MAGI2: variants seen among roughly 807,000 people sequenced by gnomAD.
The protein encoded by MAGI2 is membrane associated guanylate kinase, WW and PDZ domain containing 2, also known as membrane-associated guanylate kinase, WW and PDZ domain-containing protein 2.
Under a neutral mutation model 133.3 loss-of-function variants are expected in MAGI2, and 35 were observed. That is an observed-to-expected ratio of 0.26 (90% CI 0.20 to 0.35). MAGI2 has a LOEUF of 0.35. Among genes scored for constraint, MAGI2 ranks in the 10% least tolerant of loss-of-function variants. The pLI is 1.00. For synonymous variants in MAGI2, 729 were observed against 710.6 expected, an observed-to-expected ratio of 1.03 and a Z score of -0.41; for missense variants, 1,636 against 1,863.4, an observed-to-expected ratio of 0.88 and a Z score of 2.25.
intron 4 of MAGI2, among the ~76,000 whole-genome samples, chr7:78,512,444 C>T (rs1232399790): frequency 1.3e-5 from 2 of 152,162 alleles, no homozygotes; most frequent in African/African-American, 2.4e-5. Flanking sequence ...CTTGCTCCAT[C>T]GCCCAGGCTG....
intron 3 of MAGI2, among the ~76,000 whole-genome samples, chr7:78,561,529 G>T (rs1800401039): frequency 6.6e-6 from 1 of 152,164 alleles, no homozygotes; most frequent in South Asian, 2.1e-4. Flanking sequence ...AGTAATTGTG[G>T]TTTTTGCAAT....
intron 10 of MAGI2, among the ~76,000 whole-genome samples, chr7:78,243,247 ACACACACACACACACACACACACTCTCT>A (rs1458638070): frequency 1.4e-3 from 57 of 39,912 alleles, no homozygotes; most frequent in Non-Finnish European, 2.7e-3. Flanking sequence ...ACACACACAC[ACACACACACACACACACACACACTCTCT>A]CTCTCTCTCT....
chr7:79,256,921 G>T (rs1398938054), intron 1 of MAGI2, among the ~76,000 whole-genome samples: 1 of 151,968 alleles, frequency 6.6e-6, no homozygotes, highest in East Asian at 1.9e-4. Flanking sequence ...CAACAATATT[G>T]GTCCAAGGAT....
intron 9 of MAGI2, among the ~76,000 whole-genome samples, chr7:78,319,822 A>G (rs1787813535): frequency 6.6e-6 from 1 of 152,176 alleles, no homozygotes; most frequent in Non-Finnish European, 1.5e-5. Flanking sequence ...CCCTTCAAAA[A>G]TATCAGTGAA....
chr7:78,865,093 A>T (rs1220493962), intron 2 of MAGI2, among the ~76,000 whole-genome samples: 1 of 152,200 alleles, frequency 6.6e-6, no homozygotes, highest in Non-Finnish European at 1.5e-5. Flanking sequence ...CTGCTTCCGT[A>T]TAAATCTAGA....
chr7:78,267,709 T>C (rs1210900412), intron 9 of MAGI2, among the ~76,000 whole-genome samples: 1 of 152,140 alleles, frequency 6.6e-6, no homozygotes, highest in Non-Finnish European at 1.5e-5. Context: ...TTATCAGACA[T>C]CTACTACTTT....
Position 78,660,525 on chromosome 7 carries a change from G to C in MAGI2, c.419-33286C>G, listed in dbSNP as rs182561810. On this transcript the variant is annotated intron_variant, in intron 2 of 21. Transcript: ENST00000354212. ...TCAATTAAATTAAATATTAAATAAT[G>C]CTCACAGAAGATTATGGATTCAAAA... 2.6e-5 allele frequency among the ~76,000 whole-genome samples: 4 copies of C among 152,174 alleles called. No individual in the cohort carries two copies. The East Asian group carries it at 7.7e-4, about 29-fold the overall frequency.
chr7:78,744,707 A>C (rs1018910354), intron 2 of MAGI2, among the ~76,000 whole-genome samples: 1 of 152,212 alleles, frequency 6.6e-6, no homozygotes, highest in Non-Finnish European at 1.5e-5. Flanking sequence ...TTGGATTAAT[A>C]TCACAGTATG....
chr7:78,703,556 C>A (rs1314938589), intron 2 of MAGI2, among the ~76,000 whole-genome samples: 1 of 151,952 alleles, frequency 6.6e-6, no homozygotes. Context: ...TATGACTGTT[C>A]TAGATACAAC....
intron 9 of MAGI2, among the ~76,000 whole-genome samples, chr7:78,310,885 G>C (rs911542105): frequency 2.6e-5 from 4 of 152,212 alleles, no homozygotes; most frequent in African/African-American, 9.6e-5. Flanking sequence ...TTGACATAAT[G>C]TTGGCAGAAT....
intron 3 of MAGI2, among the ~76,000 whole-genome samples, chr7:78,611,543 G>T (rs17151138): frequency 6.6e-6 from 1 of 152,078 alleles, no homozygotes; most frequent in Non-Finnish European, 1.5e-5. Flanking sequence ...ACTATCTTCT[G>T]CATTTTAATA....
intron 2 of MAGI2, among the ~76,000 whole-genome samples, chr7:78,724,147 G>A (rs1820534476): frequency 6.6e-6 from 1 of 152,070 alleles, no homozygotes; most frequent in Non-Finnish European, 1.5e-5. Flanking sequence ...ATAACTAAAG[G>A]AAATGTATAG....
intron 1 of MAGI2, among the ~76,000 whole-genome samples, chr7:79,110,374 C>T (rs1424935165): frequency 6.6e-6 from 1 of 152,150 alleles, no homozygotes; most frequent in Non-Finnish European, 1.5e-5. Context: ...ACCCTTGCTG[C>T]AGTGTGCCCT....
At chr7:78,577,783 G>T (rs1043246495) in intron 3 of MAGI2, among the ~76,000 whole-genome samples, 22 of 152,082 alleles carry the variant, frequency 1.4e-4, no homozygotes, top group Non-Finnish European at 2.2e-4. Flanking sequence ...CTTCTTTTGT[G>T]GTGGAATGTC....
chr7:79,404,110 G>A (rs1004290114), intron 1 of MAGI2, among the ~76,000 whole-genome samples: 3 of 152,102 alleles, frequency 2.0e-5, no homozygotes, highest in African/African-American at 7.2e-5. Flanking sequence ...CTAGCCCTAT[G>A]ACTACAACAG....
At chr7:78,372,352 AAAAAC>A (rs1291178621) in intron 6 of MAGI2, among the ~76,000 whole-genome samples, 1 of 152,192 alleles carries the variant, frequency 6.6e-6, no homozygotes, top group African/African-American at 2.4e-5. Flanking sequence ...ATTAGTTTAA[AAAAAC>A]AAAACAACTG....
At chr7:79,082,689 A>AC (rs1357864785) in intron 1 of MAGI2, among the ~76,000 whole-genome samples, 1 of 151,858 alleles carries the variant, frequency 6.6e-6, no homozygotes, top group African/African-American at 2.4e-5. Context: ...TTATTCAGGG[A>AC]CCCCTGAGAT....
Position 78,135,086 on chromosome 7 carries a change from G to A in MAGI2, c.2966C>T (p.Ala989Val). Reference sequence around the variant, plus strand: ...ATCCTTGATGAGCTTCACGATGTCAGCGTGAGGCATGTTGATGATAGACTG... The same window carrying A: ...ATCCTTGATGAGCTTCACGATGTCAACGTGAGGCATGTTGATGATAGACTG... ...NGQSIINMPH[A>V]DIVKLIKDAG... is the part of the protein sequence containing the mutation. Residue 989 changes from alanine to valine, a missense_variant, in exon 17 of 22, where the codon GCT becomes GTT. Physicochemically the swap from Ala to Val is moderately conservative, Grantham distance 64. Transcript: ENST00000354212. 1 of 1,613,992 alleles carries A rather than the reference G, an allele frequency of 6.2e-7. No individual in the cohort carries two copies. The highest frequency in any genetic ancestry group is 8.5e-7 in the Non-Finnish European group (1 of 1,179,850).
intron 2 of MAGI2, among the ~76,000 whole-genome samples, chr7:78,776,974 A>G (rs1826035336): frequency 6.6e-6 from 1 of 152,190 alleles, no homozygotes; most frequent in Non-Finnish European, 1.5e-5. Flanking sequence ...GTGTTTGCAG[A>G]GCCTGGATCT....
Sources: gnomAD v4.1 joint callset for allele counts (sites outside exome capture counted in the v4.1 genomes callset) on GRCh38, gnomAD v4.1.1 for gene constraint, MANE v1.5 for transcripts, NCBI Gene and HGNC (gene_info 2026-07-23, HGNC 2026-07-21) for gene names.